DLC1: variants seen among roughly 807,000 people sequenced by gnomAD.
DLC1 encodes the protein DLC1 Rho GTPase activating protein.
DLC1 carries 54 observed loss-of-function variants against 140.3 expected under a neutral mutation model. The ratio of observed to expected loss-of-function variants is 0.38; its 90% CI spans 0.31 to 0.48. The LOEUF (loss-of-function observed/expected upper bound fraction) is 0.48. Among genes scored for constraint, DLC1 ranks in the 20% least tolerant of loss-of-function variants. The probability of loss-of-function intolerance (pLI) is 0.96; values close to 1 mark genes in which losing one functional copy is unlikely to be tolerated. For synonymous variants in DLC1, 986 were observed against 728.1 expected, an observed-to-expected ratio of 1.35 and a Z score of -5.70; for missense variants, 2,536 against 1,907.0, an observed-to-expected ratio of 1.33 and a Z score of -6.14.
At chr8:13,576,896 G>C (rs1804858159) in intron 1 of DLC1, among the ~76,000 whole-genome samples, 1 of 152,212 alleles carries the variant, frequency 6.6e-6, no homozygotes, top group African/African-American at 2.4e-5. Context: ...AAGCGTGGCT[G>C]TTGAAAATGG....
intron 4 of DLC1, among the ~76,000 whole-genome samples, chr8:13,356,045 G>A (rs376517748): frequency 1.3e-3 from 170 of 129,614 alleles, no homozygotes; most frequent in African/African-American, 4.4e-3. Context: ...AGCCGGGATC[G>A]CGCCACTGCA....
At chr8:13,489,591 A>T (rs1801144023) in intron 2 of DLC1, among the ~76,000 whole-genome samples, 1 of 152,116 alleles carries the variant, frequency 6.6e-6, no homozygotes, top group Admixed American at 6.6e-5. Flanking sequence ...ATGAAAAAAA[A>T]AAACTGTGCC....
intron 1 of DLC1, among the ~76,000 whole-genome samples, chr8:13,553,220 A>ATATATG (rs1241599732): frequency 2.9e-4 from 19 of 65,014 alleles, no homozygotes; most frequent in African/African-American, 1.2e-3. Flanking sequence ...ATATATATAT[A>ATATATG]TATATATGTA....
chr8:13,105,385 G>A (rs749016077), intron 7 of DLC1, among the ~76,000 whole-genome samples: 3 of 152,070 alleles, frequency 2.0e-5, no homozygotes, highest in African/African-American at 4.8e-5. Flanking sequence ...CACAAACGAG[G>A]CCTACTGCGG....
chr8:13,597,046 A>G (rs529491358), intron 1 of DLC1, among the ~76,000 whole-genome samples: 2 of 151,972 alleles, frequency 1.3e-5, no homozygotes, highest in African/African-American at 4.8e-5. Flanking sequence ...ATTTAACATA[A>G]TGCAGCAAGG....
At chr8:13,219,061 TAC>T (rs1563174153) in intron 5 of DLC1, among the ~76,000 whole-genome samples, 1 of 58,734 alleles carries the variant, frequency 1.7e-5, no homozygotes, top group Non-Finnish European at 3.0e-5. Context: ...CGAATATAAT[TAC>T]GTGAATATAA....
chr8:13,300,121 C>T (rs925544872), intron 5 of DLC1, among the ~76,000 whole-genome samples: 3 of 152,116 alleles, frequency 2.0e-5, no homozygotes, highest in Non-Finnish European at 4.4e-5. Context: ...AAGGAGATCA[C>T]GTTCTTTGCA....
chr8:13,182,188 C>CT (rs887672666), intron 5 of DLC1, among the ~76,000 whole-genome samples: 47 of 150,364 alleles, frequency 3.1e-4, no homozygotes, highest in Non-Finnish European at 4.6e-4. Flanking sequence ...AGGGTTTTTT[C>CT]TTTTTTTTTC....
chr8:13,543,760 A>G (rs1803561743), intron 1 of DLC1, among the ~76,000 whole-genome samples: 1 of 152,178 alleles, frequency 6.6e-6, no homozygotes, highest in Admixed American at 6.6e-5. Context: ...CAAATACTGT[A>G]TGTTCTCATC....
chr8:13,346,553 G>C (rs981958871), intron 4 of DLC1, among the ~76,000 whole-genome samples: 2 of 152,216 alleles, frequency 1.3e-5, no homozygotes, highest in African/African-American at 4.8e-5. Context: ...CATATGTAAA[G>C]TTTAATTGTT....
Position 13,393,581 on chromosome 8 carries a change from G to A in DLC1, c.1286C>T (p.Ala429Val). Residue 429 changes from alanine (A) to valine (V), a missense_variant, in exon 4 of 18, where the codon GCC becomes GTC. By Grantham distance (64) the Ala-to-Val change is moderately conservative. Coordinates refer to ENST00000276297, the MANE Select transcript of DLC1 (RefSeq NM_182643.3). ...STDLPSSTPVANSGTKPKTTA... is the reference protein window; with the variant it reads ...STDLPSSTPVVNSGTKPKTTA... ...AGTCTTGGGTTTGGTTCCAGAATTG[G>A]CTACTGGAGTGGAAGATGGGAGGTC... 1.2e-6 allele frequency: 2 copies of A among 1,614,046 alleles called. No homozygotes were observed. Among genetic ancestry groups the A allele is most frequent in the African/African-American group, 1.3e-5 (1 of 75,030 alleles).
intron 1 of DLC1, among the ~76,000 whole-genome samples, chr8:13,579,345 ATATATATATATATATATTTT>A (rs1451454215): frequency 3.9e-5 from 2 of 51,466 alleles, no homozygotes; most frequent in African/African-American, 1.9e-4. Flanking sequence ...ATATATATAT[ATATATATATATATATATTTT>A]TATATAATAC....
At chr8:13,126,744 A>T (rs1296310497) in intron 5 of DLC1, among the ~76,000 whole-genome samples, 1 of 152,220 alleles carries the variant, frequency 6.6e-6, no homozygotes, top group Non-Finnish European at 1.5e-5. Flanking sequence ...TCTTTTACAT[A>T]TGTTAGCAAA....
chr8:13,574,925 A>G (rs1804783930), intron 1 of DLC1, among the ~76,000 whole-genome samples: 1 of 152,228 alleles, frequency 6.6e-6, no homozygotes, highest in Non-Finnish European at 1.5e-5. Flanking sequence ...CTGCAGCAGC[A>G]TAGTAAACAG....
At chr8:13,369,841 G>A (rs1048008604) in intron 4 of DLC1, among the ~76,000 whole-genome samples, 4 of 149,274 alleles carry the variant, frequency 2.7e-5, no homozygotes, top group African/African-American at 5.0e-5. Context: ...TCGGCTCTCC[G>A]ATCGTCTCCT....
intron 1 of DLC1, among the ~76,000 whole-genome samples, chr8:13,589,785 G>T (rs1241539572): frequency 6.7e-6 from 1 of 149,266 alleles, no homozygotes; most frequent in Non-Finnish European, 1.5e-5. Flanking sequence ...TTAATTTAAA[G>T]AATTTTAAAA....
chr8:13,361,517 C>T (rs1194292150), intron 4 of DLC1, among the ~76,000 whole-genome samples: 2 of 152,114 alleles, frequency 1.3e-5, no homozygotes, highest in East Asian at 3.9e-4. Context: ...CCTCCCGCTT[C>T]AGCCTTTCAA....
intron 1 of DLC1, chr8:13,568,107 T>G: frequency 1.2e-6 from 1 of 808,232 alleles, no homozygotes; most frequent in Non-Finnish European, 1.9e-6. Flanking sequence ...CTGTTGTAGT[T>G]GGAATAGTTA....
chr8:13,118,239 C>G (rs1820745753), intron 5 of DLC1, among the ~76,000 whole-genome samples: 1 of 152,060 alleles, frequency 6.6e-6, no homozygotes, highest in South Asian at 2.1e-4. Flanking sequence ...ATAAACTGAT[C>G]AGAAAAGCTG....
Sources: gnomAD v4.1 joint callset for allele counts (sites outside exome capture counted in the v4.1 genomes callset) on GRCh38, gnomAD v4.1.1 for gene constraint, MANE v1.5 for transcripts, NCBI Gene and HGNC (gene_info 2026-07-23, HGNC 2026-07-21) for gene names.